CCDC7: variants seen among roughly 807,000 people sequenced by gnomAD.
CCDC7 encodes the protein coiled-coil domain containing 7, also known as coiled-coil domain-containing protein 7.
In CCDC7, 183 loss-of-function variants were observed where a neutral mutation model predicts 196.9. The observed-to-expected ratio is 0.93, with a 90% confidence interval of 0.82 to 1.05. The LOEUF is 1.05. Ranked by LOEUF, CCDC7 falls within the 50% of genes least tolerant of loss-of-function variation. CCDC7 has a pLI of 0.00. For missense variants in CCDC7, 1,540 were observed against 1,482.2 expected, an observed-to-expected ratio of 1.04 and a Z score of -0.64; for synonymous variants, 525 against 484.6, an observed-to-expected ratio of 1.08 and a Z score of -1.10.
chr10:32,506,795 C>T (rs1017592864), intron 9 of CCDC7, among the ~76,000 whole-genome samples: 38 of 144,490 alleles, frequency 2.6e-4, no homozygotes, highest in Non-Finnish European at 4.3e-4. Context: ...GAGGTTGCAG[C>T]AAGCCGAGAT....
intron 18 of CCDC7, among the ~76,000 whole-genome samples, chr10:32,600,658 G>A (rs2060901729): frequency 6.6e-6 from 1 of 152,042 alleles, no homozygotes; most frequent in African/African-American, 2.4e-5. Flanking sequence ...TGTATCTAAT[G>A]ACAAAATTAC....
At chr10:32,707,599 A>C (rs1297789563) in intron 24 of CCDC7, among the ~76,000 whole-genome samples, 2 of 152,244 alleles carry the variant, frequency 1.3e-5, no homozygotes, top group African/African-American at 4.8e-5. Context: ...AATCTCCTTA[A>C]GCTGATAAGC....
chr10:32,715,745 T>C (rs1266630167), intron 25 of CCDC7, among the ~76,000 whole-genome samples: 1 of 152,124 alleles, frequency 6.6e-6, no homozygotes. Flanking sequence ...ACGAGAACTT[T>C]GTGAAGCATA....
intron 8 of CCDC7, among the ~76,000 whole-genome samples, chr10:32,489,737 A>G (rs1461043252): frequency 2.6e-5 from 4 of 152,124 alleles, no homozygotes; most frequent in Non-Finnish European, 5.9e-5. Context: ...CAGAGTGAGC[A>G]TGGCTCTAGG....
At chr10:32,640,671 G>GCTT (rs1167768284) in intron 20 of CCDC7, among the ~76,000 whole-genome samples, 2 of 152,022 alleles carry the variant, frequency 1.3e-5, no homozygotes, top group East Asian at 3.9e-4. Context: ...CATGTTTAGT[G>GCTT]CTTCCTTCAG....
intron 24 of CCDC7, among the ~76,000 whole-genome samples, chr10:32,707,588 A>T (rs1313277116): frequency 6.6e-6 from 1 of 152,234 alleles, no homozygotes; most frequent in Non-Finnish European, 1.5e-5. Flanking sequence ...TCTCAGCCCA[A>T]AATCTCCTTA....
intron 23 of CCDC7, among the ~76,000 whole-genome samples, chr10:32,690,464 C>T (rs117133455): frequency 0.041 from 6,302 of 152,154 alleles, 133 homozygotes; most frequent in Middle Eastern, 0.065. Context: ...CAAACAAGTT[C>T]CCTCAGTTTG....
chr10:32,734,879 C>T (rs1449900431), intron 28 of CCDC7, among the ~76,000 whole-genome samples: 1 of 151,908 alleles, frequency 6.6e-6, no homozygotes, highest in Non-Finnish European at 1.5e-5. Context: ...GCCTGGGTGA[C>T]AGAGTGAGGC....
chr10:32,678,161 T>A (rs2075318211), intron 21 of CCDC7, among the ~76,000 whole-genome samples: 1 of 152,138 alleles, frequency 6.6e-6, no homozygotes, highest in African/African-American at 2.4e-5. Flanking sequence ...CTATTTTAGT[T>A]CACTGAGCTT....
intron 25 of CCDC7, among the ~76,000 whole-genome samples, chr10:32,724,981 A>C (rs1163500083): frequency 2.0e-5 from 3 of 152,138 alleles, no homozygotes; most frequent in African/African-American, 7.2e-5. Flanking sequence ...AAGATCACAC[A>C]CAACATTTTA....
At chr10:32,691,342 C>T (rs1476505895) in intron 23 of CCDC7, among the ~76,000 whole-genome samples, 1 of 152,012 alleles carries the variant, frequency 6.6e-6, no homozygotes, top group African/African-American at 2.4e-5. Context: ...CCATCAGTGT[C>T]CTACTTCAGA....
intron 25 of CCDC7, among the ~76,000 whole-genome samples, chr10:32,713,286 G>A (rs2081105021): frequency 6.6e-6 from 1 of 152,234 alleles, no homozygotes; most frequent in Non-Finnish European, 1.5e-5. Context: ...CCTCATGTCA[G>A]GGATTGTGAG....
At position 32,518,041 on chromosome 10, in the gene CCDC7, T is replaced by C. The variant is rs1188168551; in HGVS notation, c.903+66T>C. The C allele has an allele frequency of 6.0e-6, 9 of 1,505,734 alleles. No homozygotes were observed. In the African/African-American group the frequency reaches 1.2e-4, roughly 19 times the overall value. 93.3% of individuals were successfully genotyped at this position (1,505,734 alleles called of 1,614,324 possible). A position where few individuals can be genotyped will look rare whatever the true frequency, so the allele number is the denominator to read the frequency against. On this transcript the variant is annotated intron_variant, in intron 10 of 41. Transcript: ENST00000639629. ...TGAGTTCTTAACAGATTCTAGAAATTGTCAGGATACATAATCCTATATAAA... is the reference window on the plus strand; with the variant it reads ...TGAGTTCTTAACAGATTCTAGAAATCGTCAGGATACATAATCCTATATAAA...
At chr10:32,664,593 A>G (rs998899521) in intron 21 of CCDC7, among the ~76,000 whole-genome samples, 2 of 152,034 alleles carry the variant, frequency 1.3e-5, no homozygotes, top group African/African-American at 4.8e-5. Context: ...ATAATGCAGT[A>G]TTTGTTTTTA....
intron 18 of CCDC7, among the ~76,000 whole-genome samples, chr10:32,586,205 AC>A (rs2059257856): frequency 6.6e-6 from 1 of 152,082 alleles, no homozygotes; most frequent in Non-Finnish European, 1.5e-5. Flanking sequence ...TCCTTCGCCC[AC>A]TTTTTGATGG....
At position 32,567,910 on chromosome 10, in the gene CCDC7, T is replaced by TGGAGA; in HGVS notation, c.1419+20_1419+24dup. 1 of 1,604,958 alleles carries TGGAGA rather than the reference T, an allele frequency of 6.2e-7. No individual in the cohort carries two copies. Among genetic ancestry groups the TGGAGA allele is most frequent in the South Asian group, 1.1e-5 (1 of 89,148 alleles). On this transcript the variant is annotated intron_variant, in intron 15 of 41. Coordinates refer to ENST00000639629, the Ensembl canonical transcript of CCDC7. The stretch of plus-strand genomic sequence containing the variant: ...TCCACAGGTGAGGAAATAACCAAAA[T>TGGAGA]GGAGACAGTAGTATATGTTGTGAGA...
intron 16 of CCDC7, among the ~76,000 whole-genome samples, chr10:32,582,106 C>CTATATATATATATATATATATA (rs6143863): frequency 6.6e-4 from 68 of 103,744 alleles, no homozygotes; most frequent in Non-Finnish European, 8.1e-4. Context: ...ACTGTCAGCA[C>CTATATATATATATATATATATA]TATATATATA....
At chr10:32,724,392 A>C (rs903872489) in intron 25 of CCDC7, among the ~76,000 whole-genome samples, 2 of 152,120 alleles carry the variant, frequency 1.3e-5, no homozygotes, top group African/African-American at 4.8e-5. Context: ...CCAGTTGTTG[A>C]GTTGGTCAAT....
rs184868737 is a variant in CCDC7, at chr10:32,501,020, T to C, written c.872+9023T>C. ...AGTACAGTCCAGCCTCCGCTCGGCA[T>C]CAGAGGGAGACCATGCAAAGGGGAG... On this transcript the variant is annotated intron_variant, in intron 9 of 41. Transcript: ENST00000639629. Among the ~76,000 whole-genome samples the C allele has an allele frequency of 8.6e-3, 1,306 of 152,042 alleles. 28 individuals carry two copies. The highest frequency in any genetic ancestry group is 0.029 in the African/African-American group (1,205 of 41,402).
Sources: allele counts gnomAD v4.1 joint callset (sites outside exome capture counted in the v4.1 genomes callset), GRCh38; gene constraint gnomAD v4.1.1; transcripts MANE v1.5; gene names NCBI Gene and HGNC (gene_info 2026-07-23, HGNC 2026-07-21).